DIAPH2: variants seen among roughly 807,000 people sequenced by gnomAD.
DIAPH2 encodes the protein diaphanous related formin 2.
In DIAPH2, 35 loss-of-function variants were observed where a neutral mutation model predicts 92.7. That is an observed-to-expected ratio of 0.38 (90% CI 0.29 to 0.50). DIAPH2 has a LOEUF of 0.50. DIAPH2 is among the 20% of genes least tolerant of loss of function. The pLI is 0.94. For missense variants in DIAPH2, 701 were observed against 819.5 expected, an observed-to-expected ratio of 0.86 and a Z score of 1.77; for synonymous variants, 301 against 280.4, an observed-to-expected ratio of 1.07 and a Z score of -0.73.
chrX:97,198,421 CAGA>C (rs1216961535), intron 22 of DIAPH2, among the ~76,000 whole-genome samples: 3 of 110,292 alleles, frequency 2.7e-5, no homozygotes, highest in Admixed American at 9.8e-5. Flanking sequence ...CACGTGGTCA[CAGA>C]AGTTTTTCTA....
At chrX:97,274,016 T>C (rs1229779461) in intron 23 of DIAPH2, among the ~76,000 whole-genome samples, 1 of 102,336 alleles carries the variant, frequency 9.8e-6, no homozygotes, top group African/African-American at 3.6e-5. Context: ...GGTGTGTGTG[T>C]GTGTGTGTGT....
chrX:97,131,973 G>A (rs1362660017), intron 21 of DIAPH2, among the ~76,000 whole-genome samples: 1 of 111,481 alleles, frequency 9.0e-6, no homozygotes. Context: ...GGCTAGAAGG[G>A]AAAATGCTGA....
chrX:97,390,208 C>CTTTTTTTTTTTTT (rs142044871), intron 25 of DIAPH2, among the ~76,000 whole-genome samples: 2 of 33,174 alleles, frequency 6.0e-5, no homozygotes, highest in Non-Finnish European at 4.8e-5. Context: ...TGCTTTCTGT[C>CTTTTTTTTTTTTT]TTTTTTTTTT....
At chrX:97,562,495 C>T (rs1261924428) in intron 26 of DIAPH2, among the ~76,000 whole-genome samples, 1 of 105,784 alleles carries the variant, frequency 9.5e-6, no homozygotes, top group Admixed American at 1.0e-4. Context: ...AAGATCCCGC[C>T]ACTGCACTCC....
chrX:96,687,172 A>G (rs944111607), intron 1 of DIAPH2, among the ~76,000 whole-genome samples: 1 of 112,164 alleles, frequency 8.9e-6, no homozygotes, highest in Non-Finnish European at 1.9e-5. Context: ...AAAGGAAAGA[A>G]TAGTTGATTC....
intron 26 of DIAPH2, among the ~76,000 whole-genome samples, chrX:97,438,338 G>GTTTTTTTT (rs745882169): frequency 1.9e-5 from 1 of 53,758 alleles, no homozygotes. Flanking sequence ...GCAGCTTCTT[G>GTTTTTTTT]TTTTTTTTTT....
intron 26 of DIAPH2, among the ~76,000 whole-genome samples, chrX:97,499,352 C>A (rs1376793327): frequency 3.6e-5 from 4 of 112,018 alleles, no homozygotes; most frequent in Non-Finnish European, 5.6e-5. Context: ...AGTTGTGATA[C>A]ATTAATGAAT....
At chrX:96,831,210 A>C (rs2064852677) in intron 4 of DIAPH2, among the ~76,000 whole-genome samples, 1 of 110,996 alleles carries the variant, frequency 9.0e-6, no homozygotes, top group Admixed American at 9.6e-5. Flanking sequence ...CTTAAGTATC[A>C]TTTCCTCAAG....
chrX:97,434,926 T>C (rs2147781065), intron 26 of DIAPH2, among the ~76,000 whole-genome samples: 1 of 111,124 alleles, frequency 9.0e-6, no homozygotes, highest in Non-Finnish European at 1.9e-5. Flanking sequence ...TATAGGGATT[T>C]TTAAGAGAAA....
At chrX:96,714,131 A>G (rs2063935322) in intron 1 of DIAPH2, among the ~76,000 whole-genome samples, 2 of 110,670 alleles carry the variant, frequency 1.8e-5, no homozygotes, top group Admixed American at 1.9e-4. Flanking sequence ...TTCTAATTAG[A>G]CTATACTCTT....
intron 22 of DIAPH2, among the ~76,000 whole-genome samples, chrX:97,214,485 A>T (rs1031649587): frequency 9.1e-6 from 1 of 110,091 alleles, no homozygotes; most frequent in South Asian, 3.9e-4. Context: ...AAAAAAAAAA[A>T]AGTTGTAATG....
At chrX:97,583,318 G>GTCTT (rs1399022305) in intron 26 of DIAPH2, among the ~76,000 whole-genome samples, 1 of 109,430 alleles carries the variant, frequency 9.1e-6, no homozygotes, top group African/African-American at 3.3e-5. Context: ...TCTACTTTTG[G>GTCTT]TCTTTGATGA....
intron 20 of DIAPH2, among the ~76,000 whole-genome samples, chrX:97,100,752 A>G (rs183331122): frequency 5.3e-5 from 6 of 112,185 alleles, no homozygotes; most frequent in East Asian, 5.6e-4. Context: ...TTTAAATAGT[A>G]TAATATGTTA....
chrX:96,699,994 C>A (rs755547143), intron 1 of DIAPH2, among the ~76,000 whole-genome samples: 1 of 111,706 alleles, frequency 9.0e-6, no homozygotes, highest in Admixed American at 9.5e-5. Flanking sequence ...AACTCATCAT[C>A]TATATGAATT....
At chrX:96,780,383 C>T (rs2064407377) in intron 4 of DIAPH2, among the ~76,000 whole-genome samples, 1 of 112,142 alleles carries the variant, frequency 8.9e-6, no homozygotes, top group Non-Finnish European at 1.9e-5. Context: ...TTAGTATACC[C>T]ATTATTTAAA....
At chrX:97,279,492 C>T (rs1327590134) in intron 23 of DIAPH2, among the ~76,000 whole-genome samples, 1 of 109,251 alleles carries the variant, frequency 9.2e-6, no homozygotes, top group African/African-American at 3.3e-5. Flanking sequence ...TTGGTAGAGA[C>T]GGGATTTCAC....
chrX:97,130,916 G>A (rs1379235160), intron 21 of DIAPH2, among the ~76,000 whole-genome samples: 1 of 110,336 alleles, frequency 9.1e-6, no homozygotes, highest in Non-Finnish European at 1.9e-5. Context: ...ACCAGCCTGA[G>A]CAACATGGCA....
At chrX:97,165,062 C>G (rs1361712877) in intron 22 of DIAPH2, among the ~76,000 whole-genome samples, 1 of 112,614 alleles carries the variant, frequency 8.9e-6, no homozygotes, top group Non-Finnish European at 1.9e-5. Context: ...AAACTGGGCA[C>G]TTGTCATACA....
intron 19 of DIAPH2, among the ~76,000 whole-genome samples, chrX:97,088,771 C>T (rs1462068237): frequency 8.9e-6 from 1 of 112,238 alleles, no homozygotes; most frequent in African/African-American, 3.2e-5. Flanking sequence ...CATACAATAT[C>T]AAATAAATAT....
Sources: gnomAD v4.1 joint callset for allele counts (sites outside exome capture counted in the v4.1 genomes callset) on GRCh38, gnomAD v4.1.1 for gene constraint, MANE v1.5 for transcripts, NCBI Gene and HGNC (gene_info 2026-07-23, HGNC 2026-07-21) for gene names.